CNBD1: variants seen among roughly 807,000 people sequenced by gnomAD.
CNBD1 encodes cyclic nucleotide-binding domain-containing protein 1.
A neutral mutation model predicts 54.4 loss-of-function variants in CNBD1; 71 were observed. The ratio of observed to expected loss-of-function variants is 1.30; its 90% CI spans 1.08 to 1.59. The LOEUF is 1.59. CNBD1 is among the 40% of genes most tolerant of loss of function. The probability of loss-of-function intolerance (pLI) is 0.00; values close to 1 mark genes in which losing one functional copy is unlikely to be tolerated. For missense variants in CNBD1, 659 were observed against 518.0 expected, an observed-to-expected ratio of 1.27 and a Z score of -2.64; for synonymous variants, 182 against 170.7, an observed-to-expected ratio of 1.07 and a Z score of -0.51.
intron 4 of CNBD1, among the ~76,000 whole-genome samples, chr8:87,168,564 C>T (rs1049618366): frequency 6.6e-6 from 1 of 151,940 alleles, no homozygotes. Context: ...ATCCCTACTT[C>T]CCCACCCCCG....
At chr8:87,346,733 T>A (rs1221158428) in intron 8 of CNBD1, among the ~76,000 whole-genome samples, 2 of 152,192 alleles carry the variant, frequency 1.3e-5, no homozygotes, top group African/African-American at 4.8e-5. Flanking sequence ...TAAAATAGCA[T>A]CTTATTATAT....
At chr8:87,379,775 A>T (rs1161869280) in intron 10 of CNBD1, among the ~76,000 whole-genome samples, 1 of 151,938 alleles carries the variant, frequency 6.6e-6, no homozygotes, top group Non-Finnish European at 1.5e-5. Flanking sequence ...TTTATATATA[A>T]AAAATGAAAT....
chr8:87,112,680 T>C (rs1811688216), intron 4 of CNBD1, among the ~76,000 whole-genome samples: 1 of 152,188 alleles, frequency 6.6e-6, no homozygotes, highest in Admixed American at 6.5e-5. Context: ...GTAACCTATA[T>C]CTTGTATCAT....
At chr8:87,411,409 T>TG (rs1807740661) in intron 2 of CNBD1, among the ~76,000 whole-genome samples, 1 of 138,410 alleles carries the variant, frequency 7.2e-6, no homozygotes. Flanking sequence ...TATATATATA[T>TG]ATATATATAT....
chr8:86,932,432 C>T (rs1258192612), intron 3 of CNBD1, among the ~76,000 whole-genome samples: 1 of 152,014 alleles, frequency 6.6e-6, no homozygotes, highest in African/African-American at 2.4e-5. Context: ...TTAGAGGAGG[C>T]TTATCACTAA....
chr8:87,211,356 C>A (rs1320821431), intron 5 of CNBD1, among the ~76,000 whole-genome samples: 3 of 151,986 alleles, frequency 2.0e-5, no homozygotes, highest in African/African-American at 7.2e-5. Flanking sequence ...CAAGTTAAGA[C>A]TTTTGGGGAC....
chr8:87,155,151 T>C (rs944789230), intron 4 of CNBD1, among the ~76,000 whole-genome samples: 5 of 152,198 alleles, frequency 3.3e-5, no homozygotes, highest in Admixed American at 1.3e-4. Context: ...CATAGTTTCA[T>C]TGGCAATAAG....
chr8:87,378,725 A>T (rs1200867157), intron 10 of CNBD1, among the ~76,000 whole-genome samples: 1 of 151,072 alleles, frequency 6.6e-6, no homozygotes, highest in African/African-American at 2.5e-5. Context: ...ATGGCATTGA[A>T]TCTGTAAATT....
At chr8:87,225,625 T>C (rs1454061962) in intron 5 of CNBD1, among the ~76,000 whole-genome samples, 1 of 152,236 alleles carries the variant, frequency 6.6e-6, no homozygotes, top group Admixed American at 6.5e-5. Context: ...TTTGAGGTGC[T>C]GCTGGATTCG....
rs1032079730 is a variant in CNBD1, at chr8:86,937,819, G to A, written c.273-1777G>A. On this transcript the variant is annotated intron_variant, in intron 3 of 10. Coordinates refer to ENST00000518476, the MANE Select transcript of CNBD1 (RefSeq NM_173538.3). ...ATGGCCTGGAGACATTTTCCCCATT[G>A]TCTTGGAGAGTAACATTTGGCACCT... Among the ~76,000 whole-genome samples, 3 of 152,266 alleles carry A rather than the reference G, an allele frequency of 2.0e-5. No individual in the cohort carries two copies. The South Asian group carries it at 6.2e-4, about 32-fold the overall frequency.
chr8:87,424,333 G>T (rs1381233308), intron 2 of CNBD1, among the ~76,000 whole-genome samples: 4 of 151,966 alleles, frequency 2.6e-5, no homozygotes, highest in East Asian at 3.9e-4. Context: ...GAATGTGTTT[G>T]CTCGTGCTTT....
At chr8:87,245,792 C>T (rs894770111) in intron 6 of CNBD1, among the ~76,000 whole-genome samples, 8 of 151,812 alleles carry the variant, frequency 5.3e-5, no homozygotes, top group East Asian at 3.9e-4. Context: ...TTTTAATATA[C>T]GTGTTGCAAA....
At chr8:87,125,426 A>G (rs532143002) in intron 4 of CNBD1, among the ~76,000 whole-genome samples, 2 of 151,934 alleles carry the variant, frequency 1.3e-5, no homozygotes, top group South Asian at 4.1e-4. Flanking sequence ...CTGCATACAA[A>G]CAGGCATATC....
At chr8:86,928,509 G>T (rs1398612422) in intron 3 of CNBD1, among the ~76,000 whole-genome samples, 1 of 152,156 alleles carries the variant, frequency 6.6e-6, no homozygotes. Context: ...CCAGACCATT[G>T]TCACTTTGTA....
intron 8 of CNBD1, 72 bp from the exon 9 acceptor site, chr8:87,351,613 T>A (rs1810295860): frequency 1.5e-6 from 2 of 1,331,904 alleles, no homozygotes; most frequent in East Asian, 5.9e-5. Context: ...CATTAACTTT[T>A]GTTGCTAAAA....
At chr8:87,318,708 G>A (rs549424529) in intron 8 of CNBD1, among the ~76,000 whole-genome samples, 45 of 151,900 alleles carry the variant, frequency 3.0e-4, no homozygotes, top group African/African-American at 1.0e-3. Context: ...AAGGAGATGG[G>A]GAGGGGGGGC....
At chr8:86,997,974 G>C (rs947255719) in intron 4 of CNBD1, among the ~76,000 whole-genome samples, 4 of 152,094 alleles carry the variant, frequency 2.6e-5, no homozygotes, top group African/African-American at 9.7e-5. Flanking sequence ...TAAGTGCTGA[G>C]AGTGAGCCCA....
At chr8:87,136,487 T>A (rs1365918138) in intron 4 of CNBD1, among the ~76,000 whole-genome samples, 1 of 135,958 alleles carries the variant, frequency 7.4e-6, no homozygotes, top group African/African-American at 2.7e-5. Context: ...ATTTTGCTTA[T>A]TTATTGATTT....
At chr8:87,061,988 G>C (rs557047841) in intron 4 of CNBD1, among the ~76,000 whole-genome samples, 1 of 152,140 alleles carries the variant, frequency 6.6e-6, no homozygotes, top group Non-Finnish European at 1.5e-5. Flanking sequence ...TGATTGCTGA[G>C]TGCAGATAGT....
Sources: allele counts gnomAD v4.1 joint callset (sites outside exome capture counted in the v4.1 genomes callset), GRCh38; gene constraint gnomAD v4.1.1; transcripts MANE v1.5; gene names NCBI Gene and HGNC (gene_info 2026-07-23, HGNC 2026-07-21).